Variants in PALM observed in about 807,000 individuals in gnomAD.
PALM encodes the protein paralemmin, also known as paralemmin-1.
In PALM, 18 loss-of-function variants were observed where a neutral mutation model predicts 30.7. The observed-to-expected ratio is 0.59, with a 90% CI of 0.41 to 0.87. The LOEUF (loss-of-function observed/expected upper bound fraction) is 0.87, where lower values mean the gene tolerates loss of function less well. PALM is among the 40% of genes least tolerant of loss of function. The pLI, the probability that PALM is intolerant of heterozygous loss-of-function variation, is 0.00. For synonymous variants in PALM, 286 were observed against 242.8 expected, an observed-to-expected ratio of 1.18 and a Z score of -1.66; for missense variants, 529 against 555.4, an observed-to-expected ratio of 0.95 and a Z score of 0.48.
chr19:734,574 A>G, intron 6 of PALM: 1 of 255,604 alleles, frequency 3.9e-6, no homozygotes, highest in Non-Finnish European at 7.6e-6. Context: ...GGCCAGGCCC[A>G]GTGGCTCAGA....
intron 1 of PALM, among the ~76,000 whole-genome samples, chr19:720,895 G>A (rs1440610597): frequency 2.0e-5 from 3 of 152,216 alleles, no homozygotes; most frequent in African/African-American, 4.8e-5. Flanking sequence ...CTGGGGCCCA[G>A]GAGTTCCGCC....
chr19:731,128 A>G lies in PALM; in HGVS notation c.303A>G (p.Gly101=). The part of the protein sequence containing the change: ...LEKEIEVLER[G]DSAPATAKEN... ...AGGAAATTGAGGTGCTGGAGCGTGG[A>G]GACTCCGCCCCAGCCACTGCCAAGG... is the stretch of plus-strand genomic sequence containing the variant. Residue 101 remains glycine (G), a synonymous_variant, in exon 5 of 9, where the codon GGA becomes GGG. Transcript: ENST00000338448. 1.2e-6 allele frequency: 2 copies of G among 1,604,412 alleles called. No individual in the cohort carries two copies. Among genetic ancestry groups the G allele is most frequent in the Non-Finnish European group, 1.7e-6 (2 of 1,176,264 alleles).
intron 1 of PALM, among the ~76,000 whole-genome samples, chr19:723,524 T>C (rs1052003283): frequency 6.6e-6 from 1 of 152,116 alleles, no homozygotes; most frequent in Non-Finnish European, 1.5e-5. Flanking sequence ...TGAGGGTCGC[T>C]GGGAAGGTCA....
intron 1 of PALM, among the ~76,000 whole-genome samples, chr19:715,324 C>T (rs950514747): frequency 6.6e-6 from 1 of 152,058 alleles, no homozygotes; most frequent in Non-Finnish European, 1.5e-5. Context: ...CCTGTTTCCT[C>T]TCATCCTTTC....
intron 1 of PALM, chr19:711,250 A>ATC (rs1420760603): frequency 1.1e-5 from 10 of 902,826 alleles, no homozygotes; most frequent in Non-Finnish European, 1.3e-5. Context: ...TTCGGAGAGA[A>ATC]TCTCTGTGCT....
At chr19:714,637 C>T (rs1300505800) in intron 1 of PALM, among the ~76,000 whole-genome samples, 2 of 151,944 alleles carry the variant, frequency 1.3e-5, no homozygotes, top group South Asian at 2.1e-4. Context: ...GGATTACAGG[C>T]GTGAGCCACC....
At position 746,067 on chromosome 19, in the gene PALM, T is replaced by A. The variant is rs570968052; in HGVS notation, c.635-218T>A. On this transcript the variant is annotated intron_variant, in intron 8 of 8. Coordinates refer to ENST00000338448, the MANE Select transcript of PALM (RefSeq NM_002579.3). The surrounding 1 kb of genome is among the most constrained non-coding windows in gnomAD (Gnocchi z 7.1). ...AGTGAGACTCCGTCTCAAAAAAAAT[T>A]TTTTTTCCTCATTGTACGGCATTGG... is the stretch of plus-strand genomic sequence containing the variant. 3.3e-5 allele frequency among the ~76,000 whole-genome samples: 5 copies of A among 152,038 alleles called. No individual in the cohort carries two copies. The highest frequency in any genetic ancestry group is 2.1e-4 in the South Asian group (1 of 4,778).
chr19:726,777 A>G (rs1049927608), intron 2 of PALM, among the ~76,000 whole-genome samples: 7 of 152,226 alleles, frequency 4.6e-5, no homozygotes, highest in Non-Finnish European at 1.0e-4. Flanking sequence ...TGCTGGGATT[A>G]CAGGCGTGAG....
At chr19:737,277 T>G (rs894204553) in intron 7 of PALM, among the ~76,000 whole-genome samples, 7 of 152,062 alleles carry the variant, frequency 4.6e-5, no homozygotes, top group African/African-American at 1.7e-4. Flanking sequence ...GAGGCCCAGG[T>G]CCCCCGCTGA....
chr19:713,708 C>T (rs972298085), intron 1 of PALM, among the ~76,000 whole-genome samples: 1 of 150,148 alleles, frequency 6.7e-6, no homozygotes, highest in Non-Finnish European at 1.5e-5. Flanking sequence ...CCTCCCAAGC[C>T]GCTGGGACTA....
rs935723829 is a variant in PALM at position 712,068 on chromosome 19, A to G, written c.5+2917A>G. ...GACAGAGTATCTCTCTGTTGTCCAC[A>G]CTGGAGTGCAGTGCTGCGATCTCCA... is the stretch of plus-strand genomic sequence containing the variant. On this transcript the variant is annotated intron_variant, in intron 1 of 8. Transcript: ENST00000338448. 1.1e-4 allele frequency among the ~76,000 whole-genome samples: 16 copies of G among 150,410 alleles called. 1 individual carries two copies. Among genetic ancestry groups the G allele is most frequent in the Admixed American group, 1.3e-4 (2 of 15,032 alleles).
intron 1 of PALM, chr19:711,106 T>G: frequency 1.4e-6 from 1 of 717,288 alleles, no homozygotes; most frequent in Non-Finnish European, 1.7e-6. Flanking sequence ...TTTAAAGAAT[T>G]TTAAATGTCA....
At chr19:726,985 A>ACGCCCC in intron 2 of PALM, 23 bp from the exon 3 acceptor site, 10 of 945,358 alleles carry the variant, frequency 1.1e-5, no homozygotes, top group East Asian at 3.1e-5. Flanking sequence ...CCCATCCCTG[A>ACGCCCC]CCCCACCCGG....
intron 6 of PALM, chr19:734,970 C>A: frequency 1.6e-6 from 1 of 625,280 alleles, no homozygotes. Flanking sequence ...GTCTTCTTGT[C>A]TTACTGTAGA....
intron 8 of PALM, among the ~76,000 whole-genome samples, chr19:745,635 C>T (rs548549679): frequency 3.4e-5 from 5 of 146,372 alleles, no homozygotes; most frequent in East Asian, 4.0e-4. Context: ...GCGGAGGTTG[C>T]GGTGAGCCGA....
intron 1 of PALM, among the ~76,000 whole-genome samples, chr19:710,768 T>C (rs59316835): frequency 0.11 from 16,015 of 151,384 alleles, 937 homozygotes; most frequent in Non-Finnish European, 0.13. Flanking sequence ...AGGTCCCCCA[T>C]TGGGTCATCA....
intron 8 of PALM, among the ~76,000 whole-genome samples, chr19:740,786 C>G (rs2033164508): frequency 6.6e-6 from 1 of 152,162 alleles, no homozygotes; most frequent in African/African-American, 2.4e-5. Flanking sequence ...AGCTTCTGTC[C>G]TTGCCGGGTG....
chr19:725,451 C>T (rs2032628917), intron 1 of PALM, among the ~76,000 whole-genome samples: 1 of 152,124 alleles, frequency 6.6e-6, no homozygotes, highest in Admixed American at 6.5e-5. Flanking sequence ...ATCCCAGCTA[C>T]TCAGGAAGCT....
At chr19:715,251 G>C (rs1374229827) in intron 1 of PALM, among the ~76,000 whole-genome samples, 1 of 152,034 alleles carries the variant, frequency 6.6e-6, no homozygotes, top group Non-Finnish European at 1.5e-5. Flanking sequence ...CTGGGTGACA[G>C]ACAGAGCGAG....
Sources: allele counts gnomAD v4.1 joint callset (sites outside exome capture counted in the v4.1 genomes callset), GRCh38; gene constraint gnomAD v4.1.1; non-coding constraint Gnocchi (gnomAD v3.1); transcripts MANE v1.5; gene names NCBI Gene and HGNC (gene_info 2026-07-23, HGNC 2026-07-21).